Variants in CNOT1 observed in about 807,000 individuals in gnomAD.
CNOT1 encodes the protein CCR4-associated factor 1.
In CNOT1, 15 loss-of-function variants were observed where a neutral mutation model predicts 273.8. The observed-to-expected ratio is 0.05, with a 90% CI of 0.04 to 0.08. The LOEUF is 0.08. Among genes scored for constraint, CNOT1 ranks in the 10% least tolerant of loss-of-function variants. The pLI, the probability that CNOT1 is intolerant of heterozygous loss-of-function variation, is 1.00. For synonymous variants in CNOT1, 1,022 were observed against 1,005.5 expected, an observed-to-expected ratio of 1.02 and a Z score of -0.31; for missense variants, 1,644 against 2,912.2, an observed-to-expected ratio of 0.56 and a Z score of 10.02.
At chr16:58,586,082 G>A (rs2041825631) in intron 7 of CNOT1, among the ~76,000 whole-genome samples, 1 of 149,240 alleles carries the variant, frequency 6.7e-6, no homozygotes, top group South Asian at 2.2e-4. Context: ...TATCCAAGGA[G>A]GTGAAGTGAG....
chr16:58,625,261 A>C (rs1172923608), intron 1 of CNOT1, among the ~76,000 whole-genome samples: 1 of 151,914 alleles, frequency 6.6e-6, no homozygotes, highest in Non-Finnish European at 1.5e-5. Flanking sequence ...GCCTGTAATC[A>C]CAGCACTTTG....
At chr16:58,591,489 C>T (rs551826622) in intron 2 of CNOT1, among the ~76,000 whole-genome samples, 36 of 152,178 alleles carry the variant, frequency 2.4e-4, no homozygotes, top group Non-Finnish European at 4.4e-4. Flanking sequence ...CTCGGAGGCT[C>T]ATGCCTGTAA....
chr16:58,600,244 A>G (rs1240858375), intron 1 of CNOT1, among the ~76,000 whole-genome samples: 2 of 152,106 alleles, frequency 1.3e-5, no homozygotes, highest in East Asian at 3.9e-4. Flanking sequence ...ACTACTCGGG[A>G]GGCTGAGGCA....
chr16:58,592,938 G>A (rs1032138993), intron 2 of CNOT1, among the ~76,000 whole-genome samples: 10 of 151,940 alleles, frequency 6.6e-5, no homozygotes, highest in African/African-American at 1.2e-4. Flanking sequence ...AAGAGGAGGC[G>A]GCAACCATTA....
At chr16:58,557,640 A>C (rs35084907) in intron 18 of CNOT1, among the ~76,000 whole-genome samples, 113,975 of 151,542 alleles carry the variant, frequency 0.75, 43,258 homozygotes, top group Middle Eastern at 0.86. Context: ...CAACAACAAA[A>C]AAAATATAGC....
chr16:58,569,396 A>T (rs1200719631), intron 16 of CNOT1, among the ~76,000 whole-genome samples: 1 of 152,178 alleles, frequency 6.6e-6, no homozygotes, highest in Non-Finnish European at 1.5e-5. Context: ...TGCTGCTGGG[A>T]TTATAGGCTG....
chr16:58,627,316 T>C (rs568644468), intron 1 of CNOT1, among the ~76,000 whole-genome samples: 151 of 148,506 alleles, frequency 1.0e-3, no homozygotes, highest in African/African-American at 3.5e-3. Flanking sequence ...TGAGGCAGAA[T>C]TGCTTGAACC....
chr16:58,547,894 CATTTT>C lies in CNOT1; in HGVS notation c.3523-217_3523-213del, dbSNP rs1006473027. On this transcript the variant is annotated intron_variant, in intron 25 of 48. Transcript: ENST00000317147. This position sits in a 1 kb window ranked among gnomAD's most constrained non-coding sequence, Gnocchi z 4.0. ...TATTTTTACCTTGAAGAAGTCTTTA[CATTTT>C]ATTTTTTCAAAATAGGTACAAACAC... 1.7e-4 allele frequency among the ~76,000 whole-genome samples: 26 copies of C among 152,240 alleles called. No individual in the cohort carries two copies. Among genetic ancestry groups the C allele is most frequent in the African/African-American group, 6.3e-4 (26 of 41,540 alleles).
rs560600653 is a variant in CNOT1 at position 58,628,942 on chromosome 16, G to A, written c.-175+786C>T. Among the ~76,000 whole-genome samples the A allele has an allele frequency of 9.8e-5, 15 of 152,372 alleles. No individual in the cohort carries two copies. In the South Asian group the frequency reaches 3.1e-3, roughly 32 times the overall value. On this transcript the variant is annotated intron_variant, in intron 1 of 48. Coordinates refer to ENST00000317147, the MANE Select transcript of CNOT1 (RefSeq NM_016284.5). The stretch of plus-strand genomic sequence containing the variant: ...TAAGTACCTCTACAAGACCTGCCGT[G>A]GATCTTATCAGCCTTGAGGCCTACA...
intron 39 of CNOT1, among the ~76,000 whole-genome samples, chr16:58,535,223 A>T (rs1275550726): frequency 6.6e-6 from 1 of 152,250 alleles, no homozygotes; most frequent in Non-Finnish European, 1.5e-5. Context: ...AAATTTTTGA[A>T]ACAACTTAAC....
chr16:58,583,661 C>T (rs1410633122), intron 8 of CNOT1, among the ~76,000 whole-genome samples: 1 of 152,058 alleles, frequency 6.6e-6, no homozygotes, highest in Admixed American at 6.5e-5. Flanking sequence ...GCCTCAGCCT[C>T]CCAAATAGCT....
intron 2 of CNOT1, among the ~76,000 whole-genome samples, chr16:58,595,980 A>G (rs943258564): frequency 6.6e-6 from 1 of 152,260 alleles, no homozygotes; most frequent in East Asian, 1.9e-4. Flanking sequence ...TATCAAAGGC[A>G]GTCTTGTGCT....
At chr16:58,545,609 G>C in intron 29 of CNOT1, 118 bp from the exon 30 acceptor site, 1 of 1,500,006 alleles carries the variant, frequency 6.7e-7, no homozygotes, top group Non-Finnish European at 8.9e-7. Flanking sequence ...TGGGAGAGGA[G>C]GGAAGGATGT....
intron 44 of CNOT1, among the ~76,000 whole-genome samples, chr16:58,526,836 AAAAATG>A (rs1174626318): frequency 6.6e-6 from 1 of 151,804 alleles, no homozygotes; most frequent in Non-Finnish European, 1.5e-5. Flanking sequence ...AAAAAAAAAA[AAAAATG>A]CATGTGTCAG....
At chr16:58,561,746 C>T (rs2151944641) in intron 16 of CNOT1, among the ~76,000 whole-genome samples, 1 of 152,250 alleles carries the variant, frequency 6.6e-6, no homozygotes, top group Middle Eastern at 3.4e-3. Flanking sequence ...GTATATTAAG[C>T]AAGTAAGTAT....
intron 47 of CNOT1, chr16:58,523,128 C>G (rs2039464763): frequency 3.8e-6 from 1 of 260,168 alleles, no homozygotes; most frequent in Admixed American, 5.2e-5. Flanking sequence ...GCCTGTAATC[C>G]CAGCTACTTG....
At chr16:58,567,461 G>A (rs4471670) in intron 16 of CNOT1, among the ~76,000 whole-genome samples, 113,452 of 149,646 alleles carry the variant, frequency 0.76, 43,061 homozygotes, top group Middle Eastern at 0.87. Flanking sequence ...CATTTCCACA[G>A]AAAATTAAAA....
intron 13 of CNOT1, among the ~76,000 whole-genome samples, 155 bp from the exon 14 acceptor site, chr16:58,576,737 C>T (rs530994767): frequency 2.0e-5 from 3 of 152,318 alleles, no homozygotes; most frequent in East Asian, 1.9e-4. Context: ...ATTACCGTGA[C>T]GTTCTTTATG....
intron 1 of CNOT1, among the ~76,000 whole-genome samples, chr16:58,618,785 C>T (rs570918895): frequency 6.6e-6 from 1 of 152,216 alleles, no homozygotes; most frequent in African/African-American, 2.4e-5. Flanking sequence ...AGTTGACTTG[C>T]TTTTTATATA....
Sources: allele counts gnomAD v4.1 joint callset (sites outside exome capture counted in the v4.1 genomes callset), GRCh38; gene constraint gnomAD v4.1.1; non-coding constraint Gnocchi (gnomAD v3.1); transcripts MANE v1.5; gene names NCBI Gene and HGNC (gene_info 2026-07-23, HGNC 2026-07-21).